The following AFAP1 variants were observed in gnomAD, a reference collection of about 807,000 sequenced individuals.
AFAP1 encodes the protein actin filament-associated protein 1.
In AFAP1, 75 loss-of-function variants were observed where a neutral mutation model predicts 93.9. The ratio of observed to expected loss-of-function variants is 0.80; its 90% CI spans 0.66 to 0.97. The LOEUF is 0.97. Among genes scored for constraint, AFAP1 ranks in the 50% least tolerant of loss-of-function variants. The pLI, the probability that AFAP1 is intolerant of heterozygous loss-of-function variation, is 0.00. For missense variants in AFAP1, 1,201 were observed against 1,050.8 expected, an observed-to-expected ratio of 1.14 and a Z score of -1.98; for synonymous variants, 517 against 430.7, an observed-to-expected ratio of 1.20 and a Z score of -2.48.
At chr4:7,767,086 T>C (rs1016226009) in intron 17 of AFAP1, among the ~76,000 whole-genome samples, 1 of 152,210 alleles carries the variant, frequency 6.6e-6, no homozygotes, top group Non-Finnish European at 1.5e-5. Flanking sequence ...AGGGGTCCCC[T>C]GTCACTGTTC....
intron 1 of AFAP1, among the ~76,000 whole-genome samples, chr4:7,893,649 G>C (rs1312604573): frequency 6.6e-6 from 1 of 151,456 alleles, no homozygotes; most frequent in African/African-American, 2.4e-5. Context: ...CTCCAGCTTG[G>C]AACACCCTAA....
intron 8 of AFAP1, among the ~76,000 whole-genome samples, chr4:7,811,331 T>G (rs1200282947): frequency 7.4e-6 from 1 of 135,340 alleles, no homozygotes; most frequent in South Asian, 2.3e-4. Flanking sequence ...CAGGAACAAA[T>G]GAACCCACAC....
intron 8 of AFAP1, among the ~76,000 whole-genome samples, 186 bp downstream of exon 8, chr4:7,815,832 G>A (rs1720420040): frequency 6.6e-6 from 1 of 152,162 alleles, no homozygotes; most frequent in East Asian, 1.9e-4. Context: ...AAGACCTGCA[G>A]GGTTGATGTT....
intron 1 of AFAP1, among the ~76,000 whole-genome samples, chr4:7,896,108 G>A (rs1345922599): frequency 2.0e-5 from 3 of 151,960 alleles, no homozygotes; most frequent in African/African-American, 2.4e-5. Context: ...TGATCCGCCC[G>A]CCTCGGCCTC....
intron 1 of AFAP1, among the ~76,000 whole-genome samples, chr4:7,919,677 G>C (rs1351249836): frequency 6.6e-6 from 1 of 151,990 alleles, no homozygotes; most frequent in Non-Finnish European, 1.5e-5. Context: ...TGCAGGATGT[G>C]CAGGTTTGTT....
rs557503960 is a variant in AFAP1, at chr4:7,812,346, C to T, written c.905-2583G>A. ...GCGGTGAGCTGGGGTGTCAGATGAA[C>T]GCCCAACTTGACCGACAAAGTGCTT... On this transcript the variant is annotated intron_variant, in intron 8 of 17. Coordinates refer to ENST00000420658, the MANE Select transcript of AFAP1 (RefSeq NM_001134647.2). 1.7e-3 allele frequency among the ~76,000 whole-genome samples: 257 copies of T among 152,080 alleles called. 1 individual carries two copies. Among genetic ancestry groups the T allele is most frequent in the Non-Finnish European group, 2.7e-3 (185 of 67,992 alleles).
chr4:7,778,934 G>GT lies in AFAP1; in HGVS notation c.1783-59dup, dbSNP rs2148978448. On this transcript the variant is annotated intron_variant, in intron 13 of 17. Coordinates refer to ENST00000420658, the MANE Select transcript of AFAP1 (RefSeq NM_001134647.2). ...TAAACACAAAGTCAAACAAATCTTG[G>GT]TCTTTTTTTTTTCTGGAGTCATTTC... 6 of 1,324,318 alleles carry GT rather than the reference G, an allele frequency of 4.5e-6. No homozygotes were observed. In the East Asian group the frequency reaches 1.4e-4, roughly 31 times the overall value. 82.0% of individuals were successfully genotyped at this position (1,324,318 alleles called of 1,614,324 possible). A position where few individuals can be genotyped will look rare whatever the true frequency, so the allele number is the denominator to read the frequency against.
chr4:7,804,152 C>T (rs890316059), intron 9 of AFAP1, among the ~76,000 whole-genome samples: 1 of 152,162 alleles, frequency 6.6e-6, no homozygotes, highest in African/African-American at 2.4e-5. Context: ...CTGACCCGGA[C>T]CCCAAGTCAT....
intron 1 of AFAP1, among the ~76,000 whole-genome samples, chr4:7,929,326 C>T (rs1454259450): frequency 6.6e-6 from 1 of 152,156 alleles, no homozygotes; most frequent in East Asian, 1.9e-4. Context: ...ATCTGCCAAG[C>T]ATCAAAAACT....
At chr4:7,898,808 A>AGTGTGTGTGTGTGTGT (rs56404898) in intron 1 of AFAP1, among the ~76,000 whole-genome samples, 4,022 of 136,922 alleles carry the variant, frequency 0.029, 102 homozygotes, top group African/African-American at 0.061. Flanking sequence ...GGGCAGTAGA[A>AGTGTGTGTGTGTGTGT]GTGTGTGTGT....
rs185096347 is a variant in AFAP1, at chr4:7,884,933, A to G, written c.-2-12853T>C. On this transcript the variant is annotated intron_variant, in intron 1 of 17. Transcript: ENST00000420658. The stretch of plus-strand genomic sequence containing the variant: ...AACTCATACACACGGTGCATTCCCT[A>G]AACTTCTTGGCCCACCACACCTCTG... Among the ~76,000 whole-genome samples, 573 of 152,226 alleles carry G rather than the reference A, an allele frequency of 3.8e-3. 6 individuals carry two copies. Among genetic ancestry groups the G allele is most frequent in the African/African-American group, 0.013 (536 of 41,552 alleles).
chr4:7,763,655 TG>T lies in AFAP1; in HGVS notation c.*109del. ...CCTCAGAGCTCAGTCGTGGAGCCTC[TG>T]GAGTCGTGCAGCTGAGGCCACTCTG... On this transcript the variant is annotated 3_prime_UTR_variant, in exon 18 of 18. Coordinates refer to ENST00000420658, the MANE Select transcript of AFAP1 (RefSeq NM_001134647.2). 7.5e-7 allele frequency: 1 copy of T among 1,333,102 alleles called. No homozygotes were observed. The highest frequency in any genetic ancestry group is 1.1e-6 in the Non-Finnish European group (1 of 951,870). The allele number at this position is 1,333,102 out of a possible 1,614,324, so 82.6% of individuals were successfully genotyped here.
chr4:7,930,240 G>A (rs543309734), intron 1 of AFAP1, among the ~76,000 whole-genome samples: 85 of 152,340 alleles, frequency 5.6e-4, no homozygotes, highest in African/African-American at 1.9e-3. Context: ...GGAGGTCGGG[G>A]CTCCCATGCC....
intron 16 of AFAP1, among the ~76,000 whole-genome samples, chr4:7,771,795 G>T (rs1030418384): frequency 2.0e-5 from 3 of 152,222 alleles, no homozygotes; most frequent in Non-Finnish European, 2.9e-5. Context: ...CAGCTCTGCA[G>T]GCGGGAGGGA....
intron 3 of AFAP1, among the ~76,000 whole-genome samples, chr4:7,863,617 C>T (rs773372596): frequency 5.9e-5 from 9 of 152,158 alleles, no homozygotes; most frequent in Non-Finnish European, 1.3e-4. Flanking sequence ...CCACACTACA[C>T]ACACATCTAC....
chr4:7,801,446 C>T (rs114207015), intron 9 of AFAP1, among the ~76,000 whole-genome samples: 25 of 151,842 alleles, frequency 1.6e-4, no homozygotes, highest in African/African-American at 5.6e-4. Context: ...AAAAAAAAAC[C>T]TCCTCAAATA....
rs981741891 is a variant in AFAP1, at chr4:7,809,904, G to A, written c.905-141C>T. The A allele has an allele frequency of 7.2e-6, 7 of 966,984 alleles. No individual in the cohort carries two copies. The Admixed American group carries it at 1.1e-4, about 16-fold the overall frequency. The allele number at this position is 966,984 out of a possible 1,614,324, so 59.9% of individuals were successfully genotyped here. A position where few individuals can be genotyped will look rare whatever the true frequency, so the allele number is the denominator to read the frequency against. On this transcript the variant is annotated intron_variant, in intron 8 of 17. Transcript: ENST00000420658. ...AGACAGGGTCTCACTCTGTCCCCTG[G>A]CTGGAGTGCAGTGTTGTGATCACAG...
At chr4:7,795,010 T>G (rs1477661087) in intron 10 of AFAP1, among the ~76,000 whole-genome samples, 2 of 152,210 alleles carry the variant, frequency 1.3e-5, no homozygotes, top group African/African-American at 4.8e-5. Flanking sequence ...AAATTACTAA[T>G]TTAAATAAAG....
rs28370977 is a variant in AFAP1 at position 7,892,687 on chromosome 4, T to A, written c.-2-20607A>T. On this transcript the variant is annotated intron_variant, in intron 1 of 17. Transcript: ENST00000420658. The stretch of plus-strand genomic sequence containing the variant: ...TGGAGACAGCAGCTTCCAGGGTGCC[T>A]AGAACACGAACCCCCAAGACTCAGC... Among the ~76,000 whole-genome samples the A allele has an allele frequency of 7.9e-5, 12 of 152,018 alleles. No individual in the cohort carries two copies. The East Asian group carries it at 1.6e-3, about 20-fold the overall frequency.
Sources: allele counts gnomAD v4.1 joint callset (sites outside exome capture counted in the v4.1 genomes callset), GRCh38; gene constraint gnomAD v4.1.1; transcripts MANE v1.5; gene names NCBI Gene and HGNC (gene_info 2026-07-23, HGNC 2026-07-21).